GALNT9: variants seen among roughly 807,000 people sequenced by gnomAD.
GALNT9 encodes the protein polypeptide N-acetylgalactosaminyltransferase 9.
GALNT9 carries 47 observed loss-of-function variants against 63.1 expected under a neutral mutation model. The ratio of observed to expected loss-of-function variants is 0.75; its 90% CI spans 0.59 to 0.95. GALNT9 has a LOEUF of 0.95. Ranked by LOEUF, GALNT9 falls within the 40% of genes least tolerant of loss-of-function variation. The probability of loss-of-function intolerance (pLI) is 0.00; values close to 1 mark genes in which losing one functional copy is unlikely to be tolerated. For synonymous variants in GALNT9, 396 were observed against 365.7 expected (o/e 1.08, Z -0.94); for missense variants, 829 against 874.8 (o/e 0.95, Z 0.66).
At chr12:132,230,427 T>A (rs1877847168) in intron 6 of GALNT9, among the ~76,000 whole-genome samples, 2 of 152,156 alleles carry the variant, frequency 1.3e-5, no homozygotes, top group Non-Finnish European at 2.9e-5. Flanking sequence ...GTTTGGTGGG[T>A]CTACGGGCAC....
intron 6 of GALNT9, among the ~76,000 whole-genome samples, chr12:132,241,644 C>A (rs1878365949): frequency 9.7e-6 from 1 of 102,650 alleles, no homozygotes; most frequent in African/African-American, 4.2e-5. Context: ...CTCCCTATAC[C>A]CATTACACAC....
At chr12:132,204,704 G>A (rs1345167442) in intron 6 of GALNT9, among the ~76,000 whole-genome samples, 1 of 152,040 alleles carries the variant, frequency 6.6e-6, no homozygotes, top group East Asian at 1.9e-4. Flanking sequence ...CTGTTTCCCT[G>A]GAGAGCCCTG....
intron 2 of GALNT9, among the ~76,000 whole-genome samples, chr12:132,267,005 G>T (rs1457923649): frequency 1.3e-5 from 2 of 152,312 alleles, no homozygotes; most frequent in East Asian, 3.9e-4. Context: ...TCCACTCAGC[G>T]AGCGAAAGGG....
rs1354795766 is a variant in GALNT9 at position 132,319,317 on chromosome 12, G to A, written c.238+9649C>T. On this transcript the variant is annotated intron_variant, in intron 1 of 10. Coordinates refer to ENST00000328957, the MANE Select transcript of GALNT9 (RefSeq NM_001122636.2). The surrounding 1 kb of genome is among the most constrained non-coding windows in gnomAD (Gnocchi z 5.2). ...CTCGGAGGCCCGGCTGGAACAGAAAGGCAGAGGAGGGCAGCTTCATGTCCT... is the reference window on the plus strand; with the variant it reads ...CTCGGAGGCCCGGCTGGAACAGAAAAGCAGAGGAGGGCAGCTTCATGTCCT... Among the ~76,000 whole-genome samples the A allele has an allele frequency of 6.6e-6, 1 of 152,210 alleles. No homozygotes were observed. Among genetic ancestry groups the A allele is most frequent in the Non-Finnish European group, 1.5e-5 (1 of 68,030 alleles).
chr12:132,312,758 G>A (rs1245598245), intron 1 of GALNT9, among the ~76,000 whole-genome samples: 14 of 152,298 alleles, frequency 9.2e-5, no homozygotes, highest in African/African-American at 2.4e-4. Flanking sequence ...TCCCTCAGCC[G>A]CTTGCTGAAG....
intron 1 of GALNT9, among the ~76,000 whole-genome samples, chr12:132,294,915 A>C (rs1168558583): frequency 1.3e-5 from 2 of 152,244 alleles, no homozygotes; most frequent in African/African-American, 4.8e-5. Flanking sequence ...GCGTGGCCTC[A>C]TATCTTCTTT....
intron 6 of GALNT9, among the ~76,000 whole-genome samples, chr12:132,222,899 C>CCCCACACAACCCGCACCCCACACAA (rs1241425799): frequency 1.0e-5 from 1 of 98,230 alleles, no homozygotes; most frequent in Non-Finnish European, 2.0e-5. Flanking sequence ...ACAACCCGCA[C>CCCCACACAACCCGCACCCCACACAA]CCCACACCCC....
chr12:132,247,743 C>G (rs555185288), intron 6 of GALNT9, 167 bp downstream of exon 6: 7 of 1,148,414 alleles, frequency 6.1e-6, no homozygotes, highest in Non-Finnish European at 8.5e-6. Flanking sequence ...CACCCCGTCC[C>G]CAGATGCCGT....
chr12:132,285,795 G>C (rs1880561381), intron 2 of GALNT9, among the ~76,000 whole-genome samples: 1 of 152,204 alleles, frequency 6.6e-6, no homozygotes, highest in African/African-American at 2.4e-5. Context: ...TGGGAAGGAT[G>C]CCCGCAGCCA....
At position 132,220,498 on chromosome 12, in the gene GALNT9, G is replaced by A. The variant is rs74564775; in HGVS notation, c.1078-16808C>T. On this transcript the variant is annotated intron_variant, in intron 6 of 10. Transcript: ENST00000328957. ...CCAGATATGAAAAATACCCATGGAAGAAAGTCTCCTAAATGTAAGATGCAG... is the reference window on the plus strand; with the variant it reads ...CCAGATATGAAAAATACCCATGGAAAAAAGTCTCCTAAATGTAAGATGCAG... 4.6e-3 allele frequency among the ~76,000 whole-genome samples: 701 copies of A among 152,336 alleles called. 14 individuals are homozygous for A. Among genetic ancestry groups the A allele is most frequent in the Admixed American group, 0.034 (522 of 15,302 alleles).
intron 1 of GALNT9, among the ~76,000 whole-genome samples, chr12:132,301,391 T>C (rs2091267783): frequency 6.6e-6 from 1 of 152,232 alleles, no homozygotes; most frequent in African/African-American, 2.4e-5. Context: ...ACAGAAGTGC[T>C]GCTGTGGTGG....
chr12:132,303,069 C>T (rs576329821), intron 1 of GALNT9, among the ~76,000 whole-genome samples: 1 of 128,786 alleles, frequency 7.8e-6, no homozygotes, highest in African/African-American at 2.8e-5. Context: ...GTTTCCCACC[C>T]TCTGTCTGTC....
At chr12:132,253,404 C>T (rs1878998890) in intron 5 of GALNT9, among the ~76,000 whole-genome samples, 1 of 151,846 alleles carries the variant, frequency 6.6e-6, no homozygotes, top group African/African-American at 2.4e-5. Flanking sequence ...TACCGCTTGA[C>T]CAAGGAGCCC....
intron 1 of GALNT9, among the ~76,000 whole-genome samples, chr12:132,287,501 C>T (rs1880647000): frequency 6.6e-6 from 1 of 152,164 alleles, no homozygotes; most frequent in Non-Finnish European, 1.5e-5. Flanking sequence ...ACCGAGCCGT[C>T]GACACAGGCA....
At chr12:132,263,625 C>G (rs566277564) in intron 2 of GALNT9, among the ~76,000 whole-genome samples, 3 of 152,200 alleles carry the variant, frequency 2.0e-5, no homozygotes. Flanking sequence ...TCTGTCTCCC[C>G]CCGTGACCGG....
chr12:132,199,284 CCCAGGAGAAAGT>C lies in GALNT9; in HGVS notation c.1402-27_1402-16del. The C allele has an allele frequency of 3.2e-6, 5 of 1,584,806 alleles. No individual in the cohort carries two copies. Among genetic ancestry groups the C allele is most frequent in the Non-Finnish European group, 3.4e-6 (4 of 1,163,212 alleles). ...CTGTTTCTCACCTGCAAGCAGAAGC[CCCAGGAGAAAGT>C]CCAGAGTCACCCGAGGGTGCGGCCC... On this transcript the variant is annotated splice_polypyrimidine_tract_variant and intron_variant, in intron 8 of 10. Coordinates refer to ENST00000328957, the MANE Select transcript of GALNT9 (RefSeq NM_001122636.2).
At chr12:132,263,071 C>T (rs781948916) in intron 2 of GALNT9, among the ~76,000 whole-genome samples, 2 of 152,082 alleles carry the variant, frequency 1.3e-5, no homozygotes, top group Non-Finnish European at 2.9e-5. Flanking sequence ...GCTTGGATTC[C>T]AACCCCAGCC....
chr12:132,308,230 C>T (rs554774888), intron 1 of GALNT9, among the ~76,000 whole-genome samples: 1 of 152,312 alleles, frequency 6.6e-6, no homozygotes, highest in East Asian at 1.9e-4. Flanking sequence ...CACAGCCCTG[C>T]CCATAGCTCA....
chr12:132,329,013 A>G lies in GALNT9; in HGVS notation c.191T>C (p.Leu64Pro). 1 of 1,543,522 alleles carries G rather than the reference A, an allele frequency of 6.5e-7. No individual in the cohort carries two copies. The change falls in exon 1 of 11, where the codon CTG becomes CCG. Residue 64 changes from leucine to proline, a missense_variant. Leu to Pro is a moderately conservative substitution (Grantham distance 98). Transcript: ENST00000328957. ...VGTLGDREAI[L>P]QRLDHLEEVV... ...CTCCTCCAGGTGGTCCAGGCGCTGC[A>G]GGATGGCCTCACGGTCCCCCAGCGT...
Sources: allele counts gnomAD v4.1 joint callset (sites outside exome capture counted in the v4.1 genomes callset), GRCh38; gene constraint gnomAD v4.1.1; non-coding constraint Gnocchi (gnomAD v3.1); transcripts MANE v1.5; gene names NCBI Gene and HGNC (gene_info 2026-07-23, HGNC 2026-07-21).